The following ZMIZ2 variants were observed in gnomAD, a reference collection of about 807,000 sequenced individuals.
The protein encoded by ZMIZ2 is zinc finger MIZ domain-containing protein 2.
In ZMIZ2, 26 loss-of-function variants were observed where a neutral mutation model predicts 93.9. The ratio of observed to expected loss-of-function variants is 0.28; its 90% CI spans 0.20 to 0.38. The LOEUF (loss-of-function observed/expected upper bound fraction) is 0.38, where lower values mean the gene tolerates loss of function less well. Among genes scored for constraint, ZMIZ2 ranks in the 10% least tolerant of loss-of-function variants. The pLI is 1.00. For synonymous variants in ZMIZ2, 485 were observed against 516.4 expected, an observed-to-expected ratio of 0.94 and a Z score of 0.82; for missense variants, 1,023 against 1,235.0, an observed-to-expected ratio of 0.83 and a Z score of 2.57.
chr7:44,750,460 C>CT (rs1294319064), intron 1 of ZMIZ2, among the ~76,000 whole-genome samples: 1 of 152,202 alleles, frequency 6.6e-6, no homozygotes, highest in Non-Finnish European at 1.5e-5. Context: ...CTTCAATACC[C>CT]TTTGACTCCA....
rs746940590 is a variant in ZMIZ2, at chr7:44,757,044, G to T, written c.263G>T (p.Cys88Phe). Residue 88 changes from cysteine (C) to phenylalanine (F), a missense_variant, in exon 4 of 19, where the codon TGC becomes TTC. Physicochemically the swap from Cys to Phe is radical, Grantham distance 205. Transcript: ENST00000309315. ...AGCTCCGCCTTGACCTCCCCACAGT[G>T]CCTGGGACAGCAGGCGTTTGCTGAA... ...GGSSALTSPQ[C>F]LGQQAFAEGG... 3.1e-6 allele frequency: 5 copies of T among 1,610,682 alleles called. No homozygotes were observed. In the South Asian group the frequency reaches 5.5e-5, roughly 18 times the overall value.
Position 44,756,487 on chromosome 7 carries a change from C to T in ZMIZ2, c.113C>T (p.Ser38Leu). 3 of 1,614,088 alleles carry T rather than the reference C, an allele frequency of 1.9e-6. No individual in the cohort carries two copies. The highest frequency in any genetic ancestry group is 2.5e-6 in the Non-Finnish European group (3 of 1,180,034). Residue 38 changes from serine (S) to leucine (L), a missense_variant, in exon 3 of 19, where the codon TCG becomes TTG. Coordinates refer to ENST00000309315, the MANE Select transcript of ZMIZ2 (RefSeq NM_031449.4). ...WQQSATQPAG[S>L]LSVVTTVWGV... ...CAAAGCGCCACTCAGCCGGCTGGAT[C>T]GCTGTCTGTGGTCACTACTGTGTGG...
Position 44,765,777 on chromosome 7 carries a change from G to C in ZMIZ2, c.2242+198G>C. The stretch of plus-strand genomic sequence containing the variant: ...ACGTGGCGGTGAAGGCACAGTCTCA[G>C]CTATGGTCCCAGGAAACAGACAGTG... On this transcript the variant is annotated intron_variant, in intron 16 of 18. Transcript: ENST00000309315. The surrounding 1 kb of genome is among the most constrained non-coding windows in gnomAD (Gnocchi z 4.1). The C allele has an allele frequency of 9.7e-7, 1 of 1,032,024 alleles. No individual in the cohort carries two copies. The highest frequency in any genetic ancestry group is 1.7e-5 in the South Asian group (1 of 58,654). The allele number at this position is 1,032,024 out of a possible 1,614,324, so 63.9% of individuals were successfully genotyped here.
At chr7:44,751,785 A>G (rs1032938167) in intron 1 of ZMIZ2, among the ~76,000 whole-genome samples, 2 of 152,154 alleles carry the variant, frequency 1.3e-5, no homozygotes, top group East Asian at 3.9e-4. Flanking sequence ...GCGAAACTTC[A>G]TCTCCACTAA....
intron 1 of ZMIZ2, among the ~76,000 whole-genome samples, chr7:44,753,863 G>A (rs1790364892): frequency 6.6e-6 from 1 of 152,154 alleles, no homozygotes; most frequent in Non-Finnish European, 1.5e-5. Flanking sequence ...TGAAGTTTAG[G>A]TGTTTTTTGT....
rs1403665375 is a variant in ZMIZ2, at chr7:44,760,078, C to G, written c.994-73C>G. On this transcript the variant is annotated intron_variant, in intron 7 of 18. Coordinates refer to ENST00000309315, the MANE Select transcript of ZMIZ2 (RefSeq NM_031449.4). ...AAAGAAGACCGTGTATGGTGGGCTT[C>G]TAGGGTCAGGTCCAGGGGGCCCGGC... The G allele has an allele frequency of 1.9e-6, 3 of 1,542,446 alleles. 1 individual carries two copies. The highest frequency in any genetic ancestry group is 1.7e-5 in the Admixed American group (1 of 58,488).
chr7:44,758,471 CA>C (rs554628430), intron 6 of ZMIZ2, among the ~76,000 whole-genome samples: 2,993 of 68,934 alleles, frequency 0.043, 53 homozygotes, highest in African/African-American at 0.12. Context: ...GACCCTGTTT[CA>C]AAAAAAAAAA....
intron 14 of ZMIZ2, 49 bp downstream of exon 14, chr7:44,764,535 A>G (rs1409068035): frequency 6.3e-7 from 1 of 1,597,574 alleles, no homozygotes; most frequent in Admixed American, 1.7e-5. Context: ...GTGCTTTTAG[A>G]GGCTTTCATG....
At position 44,760,177 on chromosome 7, in the gene ZMIZ2, C is replaced by T. The variant is rs756330810; in HGVS notation, c.1020C>T (p.Gly340=). The T allele has an allele frequency of 1.1e-5, 18 of 1,613,700 alleles. No individual in the cohort carries two copies. Among genetic ancestry groups the T allele is most frequent in the East Asian group, 2.2e-5 (1 of 44,888 alleles). The part of the protein sequence containing the change: ...YKPTEQFNGQ[G]ASFNGGSVSY... Reference sequence around the variant, plus strand: ...CCACAGAGCAGTTCAACGGGCAGGGCGCCAGCTTCAACGGGGGCAGCGTCA... The same window carrying T: ...CCACAGAGCAGTTCAACGGGCAGGGTGCCAGCTTCAACGGGGGCAGCGTCA... Residue 340 remains glycine, a synonymous_variant, in exon 8 of 19, where the codon GGC becomes GGT. Coordinates refer to ENST00000309315, the MANE Select transcript of ZMIZ2 (RefSeq NM_031449.4).
chr7:44,766,460 G>A lies in ZMIZ2; in HGVS notation c.2452G>A (p.Gly818Arg). The A allele has an allele frequency of 6.2e-7, 1 of 1,614,094 alleles. No individual in the cohort carries two copies. The highest frequency in any genetic ancestry group is 2.2e-5 in the East Asian group (1 of 44,868). Residue 818 changes from glycine (G) to arginine (R), a missense_variant, in exon 18 of 19, where the codon GGG (glycine) becomes AGG (arginine). Transcript: ENST00000309315. The surrounding 1 kb of genome is among the most constrained non-coding windows in gnomAD (Gnocchi z 4.4). ...AGHLDPTHNP[G>R]TPGLHTSNLG... ...TCACCTGGACCCCACTCACAATCCT[G>A]GGACACCAGGACTACACACCTCCAA...
chr7:44,765,949 C>G lies in ZMIZ2; in HGVS notation c.2243-215C>G. The G allele has an allele frequency of 7.1e-7, 1 of 1,404,166 alleles. No individual in the cohort carries two copies. Among genetic ancestry groups the G allele is most frequent in the Non-Finnish European group, 9.2e-7 (1 of 1,085,294 alleles). 87.0% of individuals were successfully genotyped at this position (1,404,166 alleles called of 1,614,324 possible). On this transcript the variant is annotated intron_variant, in intron 16 of 18. Coordinates refer to ENST00000309315, the MANE Select transcript of ZMIZ2 (RefSeq NM_031449.4). This position sits in a 1 kb window ranked among gnomAD's most constrained non-coding sequence, Gnocchi z 4.1. ...TGGCTGCTCCCATTCCTATAACCTC[C>G]GAGACCTTCACTCCTAGGAATGTCC...
chr7:44,748,899 G>A lies in ZMIZ2; in HGVS notation c.-155G>A, dbSNP rs563528312. 1 of 147,884 alleles carries A rather than the reference G, an allele frequency of 6.8e-6. No individual in the cohort carries two copies. The highest frequency in any genetic ancestry group is 2.4e-5 in the African/African-American group (1 of 40,988). The allele number at this position is 147,884 out of a possible 1,614,324, so 9.2% of individuals were successfully genotyped here. A position where few individuals can be genotyped will look rare whatever the true frequency, so the allele number is the denominator to read the frequency against. ...CGATGGCGCGGGTGGCGGCGGCCCC[G>A]GGGCGGCGGGCGGCGCGGAGGGCGG... is the stretch of plus-strand genomic sequence containing the variant. On this transcript the variant is annotated 5_prime_UTR_variant, in exon 1 of 19. Coordinates refer to ENST00000309315, the MANE Select transcript of ZMIZ2 (RefSeq NM_031449.4).
At position 44,760,023 on chromosome 7, in the gene ZMIZ2, G is replaced by A. The variant is rs181149584; in HGVS notation, c.994-128G>A. On this transcript the variant is annotated intron_variant, in intron 7 of 18. Coordinates refer to ENST00000309315, the MANE Select transcript of ZMIZ2 (RefSeq NM_031449.4). ...ATGATTGCTTTAAGTAGTGTTACTTGTAGATTATTTGGAAAATACAAGAGA... is the reference window on the plus strand; with the variant it reads ...ATGATTGCTTTAAGTAGTGTTACTTATAGATTATTTGGAAAATACAAGAGA... The A allele has an allele frequency of 3.3e-5, 31 of 946,186 alleles. No homozygotes were observed. In the Admixed American group the frequency reaches 6.7e-4, roughly 21 times the overall value. The allele number at this position is 946,186 out of a possible 1,614,324, so 58.6% of individuals were successfully genotyped here. A position where few individuals can be genotyped will look rare whatever the true frequency, so the allele number is the denominator to read the frequency against.
chr7:44,759,194 C>A, intron 6 of ZMIZ2, 87 bp from the exon 7 acceptor site: 2 of 1,281,344 alleles, frequency 1.6e-6, no homozygotes, highest in Non-Finnish European at 2.1e-6. Context: ...TTCCCCGAAC[C>A]CTGCCACACA....
Position 44,763,319 on chromosome 7 carries a change from T to C in ZMIZ2, c.1766T>C (p.Val589Ala). The change falls in exon 13 of 19, where the codon GTG becomes GCG. Residue 589 changes from valine to alanine, a missense_variant. This residue lies in a region of ZMIZ2 where 48 missense variants were observed against 99.1 expected (regional missense o/e 0.48). Coordinates refer to ENST00000309315, the MANE Select transcript of ZMIZ2 (RefSeq NM_031449.4). This position sits in a 1 kb window ranked among gnomAD's most constrained non-coding sequence, Gnocchi z 5.6. ...CCTGGGCCCAACGGAGAGGACGGGG[T>C]GGAGCAGACAGCTATCAAGGTGTCC... ...GTPGPNGEDG[V>A]EQTAIKVSLK... is the part of the protein sequence containing the mutation. 6.2e-7 allele frequency: 1 copy of C among 1,613,918 alleles called. No homozygotes were observed. The highest frequency in any genetic ancestry group is 8.5e-7 in the Non-Finnish European group (1 of 1,179,976).
At position 44,763,439 on chromosome 7, in the gene ZMIZ2, C is replaced by T. The variant is rs753445078; in HGVS notation, c.1860+26C>T. The T allele has an allele frequency of 7.4e-6, 12 of 1,611,462 alleles. No individual in the cohort carries two copies. Among genetic ancestry groups the T allele is most frequent in the African/African-American group, 2.7e-5 (2 of 74,842 alleles). ...GTAGGTGGTTACTGCAGAGTCTTGCCGGAATTTGCTGCTGCTAAAATATCT... is the reference window on the plus strand; with the variant it reads ...GTAGGTGGTTACTGCAGAGTCTTGCTGGAATTTGCTGCTGCTAAAATATCT... On this transcript the variant is annotated intron_variant, in intron 13 of 18. Coordinates refer to ENST00000309315, the MANE Select transcript of ZMIZ2 (RefSeq NM_031449.4). The surrounding 1 kb of genome is among the most constrained non-coding windows in gnomAD (Gnocchi z 5.6).
chr7:44,767,904 G>A lies in ZMIZ2; in HGVS notation c.*281G>A. 2 of 510,588 alleles carry A rather than the reference G, an allele frequency of 3.9e-6. No homozygotes were observed. Among genetic ancestry groups the A allele is most frequent in the Non-Finnish European group, 3.6e-6 (1 of 279,152 alleles). The allele number at this position is 510,588 out of a possible 1,614,324, so 31.6% of individuals were successfully genotyped here. Reference sequence around the variant, plus strand: ...AGGTGCCCCTGCCCAGCCCTGTCCAGCCTTGTCCACACACACATCTCACGC... The same window carrying A: ...AGGTGCCCCTGCCCAGCCCTGTCCAACCTTGTCCACACACACATCTCACGC... On this transcript the variant is annotated 3_prime_UTR_variant, in exon 19 of 19. Transcript: ENST00000309315.
At chr7:44,755,992 T>C (rs1157991318) in intron 1 of ZMIZ2, among the ~76,000 whole-genome samples, 196 bp from the exon 2 acceptor site, 1 of 151,996 alleles carries the variant, frequency 6.6e-6, no homozygotes, top group Non-Finnish European at 1.5e-5. Context: ...CCAGGCTGTA[T>C]TTGTGGGGGC....
At chr7:44,756,134 G>GA (rs1790566342) in intron 1 of ZMIZ2, 54 bp from the exon 2 acceptor site, 17 of 1,476,740 alleles carry the variant, frequency 1.2e-5, no homozygotes, top group Non-Finnish European at 1.5e-5. Flanking sequence ...CCACCCTGCT[G>GA]AAAGGGTCTC....
Sources: allele counts gnomAD v4.1 joint callset (sites outside exome capture counted in the v4.1 genomes callset), GRCh38; gene constraint gnomAD v4.1.1; regional missense constraint gnomAD v4.1.1; non-coding constraint Gnocchi (gnomAD v3.1); transcripts MANE v1.5; gene names NCBI Gene and HGNC (gene_info 2026-07-23, HGNC 2026-07-21).